The following CHDH variants were observed in gnomAD, a reference collection of about 807,000 sequenced individuals.
CHDH encodes choline dehydrogenase, also known as choline dehydrogenase, mitochondrial.
CHDH carries 43 observed loss-of-function variants against 56.9 expected under a neutral mutation model. That is an observed-to-expected ratio of 0.76 (90% confidence interval 0.59 to 0.97). The LOEUF is 0.97. Among genes scored for constraint, CHDH ranks in the 50% least tolerant of loss-of-function variants. CHDH has a pLI of 0.00. For missense variants in CHDH, 816 were observed against 821.1 expected (o/e 0.99, Z 0.08); for synonymous variants, 364 against 348.5 (o/e 1.04, Z -0.50).
chr3:53,815,802 C>A lies in CHDH; in HGVS notation c.*1975G>T, dbSNP rs1314975010. On this transcript the variant is annotated 3_prime_UTR_variant, in exon 9 of 9. Transcript: ENST00000315251. ...CCCTGCCCCTGAATCCACACACGCT[C>A]CAGCAGGAAAGCTGCACGAGGCCCT... is the stretch of plus-strand genomic sequence containing the variant. The A allele has an allele frequency of 6.6e-6, 1 of 152,262 alleles. No homozygotes were observed. The highest frequency in any genetic ancestry group is 6.5e-5 in the Admixed American group (1 of 15,280). The allele number at this position is 152,262 out of a possible 1,614,324, so 9.4% of individuals were successfully genotyped here.
chr3:53,824,852 G>A (rs908259681), intron 2 of CHDH, among the ~76,000 whole-genome samples: 1 of 152,156 alleles, frequency 6.6e-6, no homozygotes, highest in Admixed American at 6.5e-5. Flanking sequence ...CACCCCACCC[G>A]TGAGGCTCAG....
At chr3:53,823,198 C>T in intron 3 of CHDH, 108 bp downstream of exon 3, 1 of 1,047,812 alleles carries the variant, frequency 9.5e-7, no homozygotes, top group Non-Finnish European at 1.3e-6. Flanking sequence ...TCAGTCTGCC[C>T]ATGCCTCCTG....
rs75102446 is a variant in CHDH, at chr3:53,831,465, C to G, written c.-59-7398G>C. Among the ~76,000 whole-genome samples, 397 of 152,372 alleles carry G rather than the reference C, an allele frequency of 2.6e-3. 1 individual carries two copies. The highest frequency in any genetic ancestry group is 8.3e-3 in the African/African-American group (346 of 41,592). Reference sequence around the variant, plus strand: ...AGCAGGCCTTGGGCAAGACCCAGTCCTGTGCTGACTTCAGGTCTGACCCAG... The same window carrying G: ...AGCAGGCCTTGGGCAAGACCCAGTCGTGTGCTGACTTCAGGTCTGACCCAG... On this transcript the variant is annotated intron_variant, in intron 2 of 8. Coordinates refer to ENST00000315251, the MANE Select transcript of CHDH (RefSeq NM_018397.5).
chr3:53,835,308 G>A (rs1285331561), intron 2 of CHDH, among the ~76,000 whole-genome samples: 9 of 152,330 alleles, frequency 5.9e-5, no homozygotes, highest in African/African-American at 2.2e-4. Context: ...ACAAGGCTCA[G>A]GTAGGCCTAG....
Position 53,812,368 on chromosome 3 carries a change from T to C in CHDH, c.*5409A>G, listed in dbSNP as rs1293292855. ...ATTCTCATTTATTCAGCGAAAATCCTCTGGGGTTAAAATTTTAAGTTTGAA... is the reference window on the plus strand; with the variant it reads ...ATTCTCATTTATTCAGCGAAAATCCCCTGGGGTTAAAATTTTAAGTTTGAA... On this transcript the variant is annotated 3_prime_UTR_variant, in exon 9 of 9. Coordinates refer to ENST00000315251, the MANE Select transcript of CHDH (RefSeq NM_018397.5). 1 of 152,238 alleles carries C rather than the reference T, an allele frequency of 6.6e-6. No homozygotes were observed. The highest frequency in any genetic ancestry group is 1.5e-5 in the Non-Finnish European group (1 of 68,036). 9.4% of individuals were successfully genotyped at this position (152,238 alleles called of 1,614,324 possible). A position where few individuals can be genotyped will look rare whatever the true frequency, so the allele number is the denominator to read the frequency against.
rs1302861637 is a variant in CHDH, at chr3:53,814,413, CCTCTCCTGGGGACTAGG to C, written c.*3347_*3363del. 6.6e-6 allele frequency: 1 copy of C among 152,178 alleles called. No individual in the cohort carries two copies. The highest frequency in any genetic ancestry group is 2.4e-5 in the African/African-American group (1 of 41,422). 9.4% of individuals were successfully genotyped at this position (152,178 alleles called of 1,614,324 possible). A position where few individuals can be genotyped will look rare whatever the true frequency, so the allele number is the denominator to read the frequency against. ...ATTTCTCTAAAACAGTATTTCTTTT[CCTCTCCTGGGGACTAGG>C]AGGGCAGGAGACAATGAGGAGCAGG... On this transcript the variant is annotated 3_prime_UTR_variant, in exon 9 of 9. Coordinates refer to ENST00000315251, the MANE Select transcript of CHDH (RefSeq NM_018397.5).
intron 2 of CHDH, among the ~76,000 whole-genome samples, chr3:53,832,174 A>G (rs1271065162): frequency 1.3e-5 from 2 of 152,184 alleles, no homozygotes; most frequent in Admixed American, 1.3e-4. Flanking sequence ...ATATTCTTAC[A>G]CCAATGTTTA....
intron 2 of CHDH, among the ~76,000 whole-genome samples, chr3:53,831,979 A>G (rs1416415793): frequency 6.6e-6 from 1 of 152,020 alleles, no homozygotes; most frequent in Non-Finnish European, 1.5e-5. Context: ...AAAGAAAAGT[A>G]ACAAGTGTTA....
chr3:53,825,785 G>C (rs1043155538), intron 2 of CHDH, among the ~76,000 whole-genome samples: 7 of 152,130 alleles, frequency 4.6e-5, no homozygotes, highest in African/African-American at 1.7e-4. Context: ...GTACATCATA[G>C]TTAAGCTGCT....
At chr3:53,838,746 C>G (rs1185376500) in intron 2 of CHDH, among the ~76,000 whole-genome samples, 1 of 152,128 alleles carries the variant, frequency 6.6e-6, no homozygotes, top group Non-Finnish European at 1.5e-5. Context: ...TAGAAGCTCC[C>G]AGAGCCACGT....
intron 2 of CHDH, among the ~76,000 whole-genome samples, chr3:53,833,409 C>T (rs1374859552): frequency 2.0e-5 from 3 of 152,200 alleles, no homozygotes; most frequent in African/African-American, 7.2e-5. Context: ...GACTCCTAAG[C>T]TGCTAGCGTA....
At chr3:53,822,023 C>G (rs6445606) in intron 4 of CHDH, among the ~76,000 whole-genome samples, 1 of 151,950 alleles carries the variant, frequency 6.6e-6, no homozygotes, top group African/African-American at 2.4e-5. Context: ...AGGGCTTACA[C>G]GAGATAAATG....
At position 53,823,630 on chromosome 3, in the gene CHDH, C is replaced by A. The variant is rs765283936; in HGVS notation, c.379G>T (p.Val127Phe). Reference sequence around the variant, plus strand: ...TTGAGGGATGAGGAGCCACCCCAGACGCGGCCGCGTGGCCAGTACAGCACG... The same window carrying A: ...TTGAGGGATGAGGAGCCACCCCAGAAGCGGCCGCGTGGCCAGTACAGCACG... ...GRVLYWPRGR[V>F]WGGSSSLNAM... is the part of the protein sequence containing the mutation. The change falls in exon 3 of 9, where the codon GTC becomes TTC. Residue 127 changes from valine to phenylalanine, a missense_variant. Transcript: ENST00000315251. 2 of 1,543,972 alleles carry A rather than the reference C, an allele frequency of 1.3e-6. No homozygotes were observed. The highest frequency in any genetic ancestry group is 2.4e-5 in the East Asian group (1 of 40,850).
chr3:53,818,934 G>A lies in CHDH; in HGVS notation c.1366+4C>T. The A allele has an allele frequency of 6.3e-7, 1 of 1,576,788 alleles. No individual in the cohort carries two copies. Among genetic ancestry groups the A allele is most frequent in the Non-Finnish European group, 8.7e-7 (1 of 1,145,924 alleles). On this transcript the variant is annotated splice_donor_region_variant and intron_variant, in intron 8 of 8. Transcript: ENST00000315251. ...GCCCAGGAAGACACAGGTGGGTGAA[G>A]TACCTGTTGACAAGTAGTTGGGCTG...
intron 1 of CHDH, among the ~76,000 whole-genome samples, chr3:53,842,226 T>C (rs565412294): frequency 6.6e-6 from 1 of 152,200 alleles, no homozygotes; most frequent in African/African-American, 2.4e-5. Context: ...TCATCCTCCC[T>C]CTTCTTACAT....
Position 53,819,755 on chromosome 3 carries a change from C to A in CHDH, c.1121-81G>T. 7.0e-7 allele frequency: 1 copy of A among 1,431,062 alleles called. No homozygotes were observed. Among genetic ancestry groups the A allele is most frequent in the East Asian group, 2.6e-5 (1 of 39,020 alleles). The allele number at this position is 1,431,062 out of a possible 1,614,324, so 88.6% of individuals were successfully genotyped here. A position where few individuals can be genotyped will look rare whatever the true frequency, so the allele number is the denominator to read the frequency against. On this transcript the variant is annotated intron_variant, in intron 6 of 8. Transcript: ENST00000315251. The surrounding 1 kb of genome is among the most constrained non-coding windows in gnomAD (Gnocchi z 5.4). ...CGGCTGCTCCTGGTTTCCCTCCTTT[C>A]TCCTGGCCGCTCCTCTTCCTTTTCC...
chr3:53,843,218 C>G (rs1372350868), intron 1 of CHDH, among the ~76,000 whole-genome samples: 2 of 139,250 alleles, frequency 1.4e-5, no homozygotes. Context: ...TCTGCCTCTC[C>G]TGCCCCTAAA....
rs2095615282 is a variant in CHDH at position 53,816,120 on chromosome 3, G to C, written c.*1657C>G. The C allele has an allele frequency of 7.0e-6, 1 of 142,120 alleles. No homozygotes were observed. The highest frequency in any genetic ancestry group is 1.5e-5 in the Non-Finnish European group (1 of 66,808). The allele number at this position is 142,120 out of a possible 1,614,324, so 8.8% of individuals were successfully genotyped here. A position where few individuals can be genotyped will look rare whatever the true frequency, so the allele number is the denominator to read the frequency against. The stretch of plus-strand genomic sequence containing the variant: ...AAGGTTTTTCTCAGAAAACTAACTT[G>C]TGGCTGTCGGACGCCCCCCCCCCCC... On this transcript the variant is annotated 3_prime_UTR_variant, in exon 9 of 9. Coordinates refer to ENST00000315251, the MANE Select transcript of CHDH (RefSeq NM_018397.5).
Position 53,817,875 on chromosome 3 carries a change from T to C in CHDH, c.1687A>G (p.Ile563Val), listed in dbSNP as rs2095618530. ...ATAATGTCAGCTGCCTTCTCTGCGA[T>C]CATGATTGTGGGGGCGTTCAGGTTG... ...SGNLNAPTIM[I>V]AEKAADIIKG... The change falls in exon 9 of 9, where the codon ATC (isoleucine) becomes GTC (valine). Residue 563 changes from isoleucine (I) to valine (V), a missense_variant. Physicochemically the swap from Ile to Val is conservative, Grantham distance 29 (BLOSUM62 3). Transcript: ENST00000315251. The C allele has an allele frequency of 1.2e-6, 2 of 1,614,212 alleles. No individual in the cohort carries two copies. The highest frequency in any genetic ancestry group is 1.7e-6 in the Non-Finnish European group (2 of 1,180,044).
Sources: gnomAD v4.1 joint callset for allele counts (sites outside exome capture counted in the v4.1 genomes callset) on GRCh38, gnomAD v4.1.1 for gene constraint, Gnocchi (gnomAD v3.1) non-coding constraint, MANE v1.5 for transcripts, NCBI Gene and HGNC (gene_info 2026-07-23, HGNC 2026-07-21) for gene names.